STX19: variants seen among roughly 807,000 people sequenced by gnomAD.
The protein encoded by STX19 is syntaxin 19, also known as syntaxin-19.
In STX19, 26 loss-of-function variants were observed where a neutral mutation model predicts 24.3. The observed-to-expected ratio is 1.07, with a 90% CI of 0.78 to 1.48. STX19 has a LOEUF of 1.48. Ranked by LOEUF, STX19 falls within the 40% of genes most tolerant of loss-of-function variation. The pLI is 0.00. For synonymous variants in STX19, 116 were observed against 106.9 expected, an observed-to-expected ratio of 1.09 and a Z score of -0.52; for missense variants, 367 against 331.9, an observed-to-expected ratio of 1.11 and a Z score of -0.82.
chr3:94,014,391 T>G lies in STX19; in HGVS notation c.879A>C (p.Ser293=), dbSNP rs776394449. ...LCCWCCPCCS[S]K ...AAGTTTTAAAATAGCTTCTTTATTT[T>G]GAGCTACAGCATGGACAGCACCAAC... is the stretch of plus-strand genomic sequence containing the variant. Residue 293 remains serine, a synonymous_variant, in exon 2 of 2, where the codon TCA becomes TCC. Coordinates refer to ENST00000315099, the MANE Select transcript of STX19 (RefSeq NM_001001850.3). 1 of 1,521,288 alleles carries G rather than the reference T, an allele frequency of 6.6e-7. No individual in the cohort carries two copies. The highest frequency in any genetic ancestry group is 2.3e-5 in the East Asian group (1 of 43,666). The allele number at this position is 1,521,288 out of a possible 1,614,324, so 94.2% of individuals were successfully genotyped here. A position where few individuals can be genotyped will look rare whatever the true frequency, so the allele number is the denominator to read the frequency against.
At chr3:94,015,891 G>C (rs972004274) in intron 1 of STX19, among the ~76,000 whole-genome samples, 1 of 152,104 alleles carries the variant, frequency 6.6e-6, no homozygotes, top group Non-Finnish European at 1.5e-5. Context: ...ACATTGGTTT[G>C]ATTATGCTGA....
chr3:94,016,648 T>G (rs1257455545), intron 1 of STX19, among the ~76,000 whole-genome samples: 3 of 131,328 alleles, frequency 2.3e-5, no homozygotes, highest in Non-Finnish European at 3.4e-5. Context: ...AATTAAGCTT[T>G]CTTTTTTTTT....
intron 1 of STX19, among the ~76,000 whole-genome samples, chr3:94,026,742 A>T (rs1023095412): frequency 6.6e-6 from 1 of 152,202 alleles, no homozygotes; most frequent in Non-Finnish European, 1.5e-5. Context: ...TAAATTTATT[A>T]TGTTGGAAGA....
At chr3:94,026,385 C>T (rs1457764158) in intron 1 of STX19, among the ~76,000 whole-genome samples, 2 of 152,108 alleles carry the variant, frequency 1.3e-5, no homozygotes, top group Admixed American at 6.5e-5. Context: ...AGTTGCTTAT[C>T]TTTATAGAAT....
intron 1 of STX19, among the ~76,000 whole-genome samples, chr3:94,026,362 G>C (rs2076558336): frequency 6.6e-6 from 1 of 152,108 alleles, no homozygotes; most frequent in Non-Finnish European, 1.5e-5. Context: ...TGTGCATTTT[G>C]ACTGAAAGTC....
At chr3:94,024,167 C>T (rs1576002186) in intron 1 of STX19, among the ~76,000 whole-genome samples, 1 of 152,130 alleles carries the variant, frequency 6.6e-6, no homozygotes, top group South Asian at 2.1e-4. Flanking sequence ...AAGGATCTCG[C>T]TCTTTTGTCC....
chr3:94,015,237 T>C lies in STX19; in HGVS notation c.33A>G (p.Arg11=). 6.4e-7 allele frequency: 1 copy of C among 1,574,190 alleles called. No individual in the cohort carries two copies. The highest frequency in any genetic ancestry group is 8.6e-7 in the Non-Finnish European group (1 of 1,165,068). ...CTCTAGAGAGTTCAATTTCCTTTGT[T>C]CTCTGCTTTAGTTCTTGAAGTCGGT... The part of the protein sequence containing the change: MKDRLQELKQ[R]TKEIELSRDS... Residue 11 remains arginine, a synonymous_variant, in exon 2 of 2, where the codon AGA becomes AGG. Coordinates refer to ENST00000315099, the MANE Select transcript of STX19 (RefSeq NM_001001850.3).
chr3:94,017,923 G>A (rs1396655176), intron 1 of STX19, among the ~76,000 whole-genome samples: 2 of 152,148 alleles, frequency 1.3e-5, no homozygotes, highest in African/African-American at 4.8e-5. Flanking sequence ...AAGTAGAAAG[G>A]TAGGCATGGA....
intron 1 of STX19, among the ~76,000 whole-genome samples, chr3:94,019,152 C>G (rs1477310403): frequency 1.3e-5 from 2 of 152,058 alleles, no homozygotes; most frequent in African/African-American, 4.8e-5. Flanking sequence ...GTATTTGGAT[C>G]TAGCCACCTC....
At chr3:94,023,041 T>C (rs1034167636) in intron 1 of STX19, among the ~76,000 whole-genome samples, 1 of 152,020 alleles carries the variant, frequency 6.6e-6, no homozygotes, top group African/African-American at 2.4e-5. Flanking sequence ...TAGAATTTTC[T>C]TCCTCTTTTA....
intron 1 of STX19, among the ~76,000 whole-genome samples, chr3:94,018,264 G>C (rs553882031): frequency 5.3e-5 from 8 of 151,668 alleles, no homozygotes; most frequent in African/African-American, 1.7e-4. Flanking sequence ...GGAGGGGGTG[G>C]GAGTAGTTCA....
intron 1 of STX19, among the ~76,000 whole-genome samples, chr3:94,024,817 G>A (rs575311631): frequency 2.0e-5 from 3 of 152,024 alleles, no homozygotes; most frequent in East Asian, 3.9e-4. Flanking sequence ...CTAACTCCTG[G>A]GCTCAAGCAA....
At position 94,026,106 on chromosome 3, in the gene STX19, G is replaced by A. The variant is rs868104003; in HGVS notation, c.-14+2261C>T. The stretch of plus-strand genomic sequence containing the variant: ...ACCATCTCGGCTCACTGCAAGCTCC[G>A]CCTTCCGGGTTCACGCCATTCTCCT... On this transcript the variant is annotated intron_variant, in intron 1 of 1. Transcript: ENST00000315099. 4.7e-5 allele frequency among the ~76,000 whole-genome samples: 7 copies of A among 149,928 alleles called. No individual in the cohort carries two copies. In the South Asian group the frequency reaches 1.1e-3, roughly 23 times the overall value.
chr3:94,025,183 G>T (rs2076529512), intron 1 of STX19, among the ~76,000 whole-genome samples: 1 of 150,990 alleles, frequency 6.6e-6, no homozygotes, highest in African/African-American at 2.4e-5. Context: ...TTGAATAAAA[G>T]GTACTTTAAG....
At chr3:94,021,915 G>A (rs929995601) in intron 1 of STX19, among the ~76,000 whole-genome samples, 7 of 151,822 alleles carry the variant, frequency 4.6e-5, no homozygotes, top group African/African-American at 1.7e-4. Context: ...AATAATGCAT[G>A]TACACAGGTT....
chr3:94,026,525 G>A (rs1479206759), intron 1 of STX19, among the ~76,000 whole-genome samples: 2 of 152,078 alleles, frequency 1.3e-5, no homozygotes, highest in Non-Finnish European at 2.9e-5. Flanking sequence ...ATAACTATAT[G>A]TATAACTATC....
chr3:94,018,040 A>G (rs1230525285), intron 1 of STX19, among the ~76,000 whole-genome samples: 4 of 152,054 alleles, frequency 2.6e-5, no homozygotes, highest in Admixed American at 6.6e-5. Context: ...ATTTGTATAT[A>G]TTTTTTCATT....
At chr3:94,020,815 A>G (rs902339090) in intron 1 of STX19, among the ~76,000 whole-genome samples, 56 of 152,180 alleles carry the variant, frequency 3.7e-4, no homozygotes, top group Non-Finnish European at 2.4e-4. Flanking sequence ...CTTAATTCAA[A>G]TAGCCGGTAA....
chr3:94,027,346 C>CT (rs913843392), intron 1 of STX19, among the ~76,000 whole-genome samples: 115 of 152,012 alleles, frequency 7.6e-4, no homozygotes, highest in African/African-American at 2.7e-3. Flanking sequence ...AAGTATCTGA[C>CT]TTTTTTTGCA....
Sources: gnomAD v4.1 joint callset for allele counts (sites outside exome capture counted in the v4.1 genomes callset) on GRCh38, gnomAD v4.1.1 for gene constraint, MANE v1.5 for transcripts, NCBI Gene and HGNC (gene_info 2026-07-23, HGNC 2026-07-21) for gene names.